Variants in COL14A1 observed in about 807,000 individuals in gnomAD.
The protein encoded by COL14A1 is collagen alpha-1(XIV) chain.
Under a neutral mutation model 230.3 loss-of-function variants are expected in COL14A1, and 136 were observed. The observed-to-expected ratio is 0.59, with a 90% CI of 0.51 to 0.68. The LOEUF (loss-of-function observed/expected upper bound fraction) is 0.68. Among genes scored for constraint, COL14A1 ranks in the 30% least tolerant of loss-of-function variants. The pLI is 0.00. For synonymous variants in COL14A1, 792 were observed against 784.1 expected (o/e 1.01, Z -0.17); for missense variants, 1,976 against 2,215.8 (o/e 0.89, Z 2.17).
chr8:120,169,427 C>A (rs1367043001), intron 5 of COL14A1, among the ~76,000 whole-genome samples: 1 of 152,012 alleles, frequency 6.6e-6, no homozygotes, highest in Non-Finnish European at 1.5e-5. Context: ...AATTATATAT[C>A]ATTTGTTTAA....
intron 33 of COL14A1, among the ~76,000 whole-genome samples, chr8:120,286,798 C>T (rs1470761826): frequency 6.6e-6 from 1 of 152,150 alleles, no homozygotes; most frequent in Non-Finnish European, 1.5e-5. Context: ...CGTGAGCCAC[C>T]GCGCCTGGCC....
intron 22 of COL14A1, among the ~76,000 whole-genome samples, chr8:120,253,154 C>T (rs1819029865): frequency 6.6e-6 from 1 of 152,152 alleles, no homozygotes; most frequent in Admixed American, 6.5e-5. Flanking sequence ...GGATTACAAG[C>T]GTGTGCCACC....
intron 38 of COL14A1, 80 bp from the exon 39 acceptor site, chr8:120,315,453 T>C: frequency 9.2e-7 from 1 of 1,086,700 alleles, no homozygotes; most frequent in Non-Finnish European, 1.4e-6. Flanking sequence ...GTGGAAACTA[T>C]TTAAATAATG....
chr8:120,178,718 C>T (rs1337892828), intron 5 of COL14A1, among the ~76,000 whole-genome samples: 1 of 152,204 alleles, frequency 6.6e-6, no homozygotes, highest in East Asian at 1.9e-4. Context: ...TGCTATTTCT[C>T]CACATCCTCT....
At chr8:120,147,173 C>A (rs1171918316) in intron 1 of COL14A1, among the ~76,000 whole-genome samples, 1 of 151,066 alleles carries the variant, frequency 6.6e-6, no homozygotes, top group Non-Finnish European at 1.5e-5. Flanking sequence ...ATTTATCGTC[C>A]TTTCTTTCTT....
chr8:120,333,239 T>C (rs1821931263), intron 42 of COL14A1, among the ~76,000 whole-genome samples: 1 of 152,204 alleles, frequency 6.6e-6, no homozygotes, highest in African/African-American at 2.4e-5. Context: ...TTGCCTCTGA[T>C]TGTTGTACTT....
At position 120,208,216 on chromosome 8, in the gene COL14A1, A is replaced by T. The variant is rs750516572; in HGVS notation, c.1192-16A>T. 1.6e-5 allele frequency: 26 copies of T among 1,595,080 alleles called. 1 individual carries two copies. Among genetic ancestry groups the T allele is most frequent in the Non-Finnish European group, 1.8e-5 (21 of 1,167,066 alleles). ...GATATTCCATACTCTCATTACTCAA[A>T]CTGTTCTTTAAACAGGTGGTGGTAG... On this transcript the variant is annotated splice_polypyrimidine_tract_variant and intron_variant, in intron 10 of 47. Transcript: ENST00000297848.
intron 28 of COL14A1, among the ~76,000 whole-genome samples, chr8:120,279,385 C>CAGAAAT (rs1819965277): frequency 6.6e-6 from 1 of 151,670 alleles, no homozygotes; most frequent in Non-Finnish European, 1.5e-5. Context: ...AACCTTATTA[C>CAGAAAT]AGAAATTCCT....
rs1401962365 is a variant in COL14A1, at chr8:120,250,688, G to A, written c.2674G>A (p.Gly892Arg). ...NTILITNLLS[G>R]MDYNVKIFAS... ...CATCCTTATCACAAACCTCCTCAGC[G>A]GAATGGACTACAATGTGAAGATATT... The change falls in exon 22 of 48, where the codon GGA (glycine) becomes AGA (arginine). Residue 892 changes from glycine (G) to arginine (R), a missense_variant. Coordinates refer to ENST00000297848, the MANE Select transcript of COL14A1 (RefSeq NM_021110.4). The A allele has an allele frequency of 1.5e-5, 25 of 1,614,090 alleles. No individual in the cohort carries two copies. The highest frequency in any genetic ancestry group is 1.9e-5 in the Non-Finnish European group (22 of 1,180,058).
chr8:120,244,692 G>A (rs1211043082), intron 20 of COL14A1, among the ~76,000 whole-genome samples: 5 of 152,138 alleles, frequency 3.3e-5, no homozygotes, highest in African/African-American at 1.2e-4. Flanking sequence ...ATCTCATCCA[G>A]GTTGCTGCAA....
intron 10 of COL14A1, among the ~76,000 whole-genome samples, chr8:120,207,587 A>T (rs957695): frequency 0.57 from 86,787 of 151,672 alleles, 26,160 homozygotes; most frequent in African/African-American, 0.77. Context: ...TGGCTGGCAT[A>T]TTTTTATGGC....
At chr8:120,258,511 C>T (rs562154538) in intron 23 of COL14A1, among the ~76,000 whole-genome samples, 1 of 152,140 alleles carries the variant, frequency 6.6e-6, no homozygotes, top group South Asian at 2.1e-4. Context: ...GTTATTCAAT[C>T]CTCCCCAAAC....
intron 15 of COL14A1, among the ~76,000 whole-genome samples, chr8:120,226,317 AT>A (rs1427108144): frequency 1.3e-5 from 2 of 151,914 alleles, no homozygotes; most frequent in Admixed American, 1.3e-4. Flanking sequence ...TAAAAAAAAA[AT>A]GAATATGGCA....
At chr8:120,273,672 T>C (rs914249980) in intron 26 of COL14A1, among the ~76,000 whole-genome samples, 4 of 151,412 alleles carry the variant, frequency 2.6e-5, no homozygotes, top group Admixed American at 2.0e-4. Context: ...CCTCTATACA[T>C]AGAAACTACA....
chr8:120,339,895 G>A (rs187386563), intron 42 of COL14A1, among the ~76,000 whole-genome samples: 91 of 152,106 alleles, frequency 6.0e-4, no homozygotes, highest in African/African-American at 2.0e-3. Flanking sequence ...AAAATTAGCC[G>A]GATGTGGTGG....
At chr8:120,337,967 T>C (rs1024876806) in intron 42 of COL14A1, among the ~76,000 whole-genome samples, 8 of 152,156 alleles carry the variant, frequency 5.3e-5, no homozygotes, top group East Asian at 3.9e-4. Flanking sequence ...GAGACTGAGT[T>C]TGAGGAATTT....
chr8:120,229,436 T>A (rs1387211250), intron 18 of COL14A1, among the ~76,000 whole-genome samples: 1 of 152,004 alleles, frequency 6.6e-6, no homozygotes, highest in Admixed American at 6.6e-5. Flanking sequence ...ACAAAGGACA[T>A]GAACTCATCA....
chr8:120,193,641 TGCCCC>T (rs1816914853), intron 5 of COL14A1, among the ~76,000 whole-genome samples: 1 of 152,218 alleles, frequency 6.6e-6, no homozygotes, highest in Non-Finnish European at 1.5e-5. Flanking sequence ...GTCTGTGCCC[TGCCCC>T]CAGAGGTGGA....
chr8:120,164,322 C>T (rs1222013987), intron 4 of COL14A1, among the ~76,000 whole-genome samples: 9 of 152,046 alleles, frequency 5.9e-5, no homozygotes, highest in Non-Finnish European at 1.3e-4. Flanking sequence ...TTTTAAAATC[C>T]TACCATAAGA....
Sources: allele counts gnomAD v4.1 joint callset (sites outside exome capture counted in the v4.1 genomes callset), GRCh38; gene constraint gnomAD v4.1.1; transcripts MANE v1.5; gene names NCBI Gene and HGNC (gene_info 2026-07-23, HGNC 2026-07-21).